Variants in LMNB1 observed in about 807,000 individuals in gnomAD.
The protein encoded by LMNB1 is lamin-B1.
LMNB1 carries 23 observed loss-of-function variants against 67.1 expected under a neutral mutation model. That is an observed-to-expected ratio of 0.34 (90% CI 0.25 to 0.49). The LOEUF is 0.49. LMNB1 is among the 20% of genes least tolerant of loss of function. LMNB1 has a pLI of 0.99. For synonymous variants in LMNB1, 281 were observed against 282.9 expected (o/e 0.99, Z 0.07); for missense variants, 634 against 746.5 (o/e 0.85, Z 1.76).
At chr5:126,800,837 A>C (rs1425133417) in intron 1 of LMNB1, among the ~76,000 whole-genome samples, 1 of 141,920 alleles carries the variant, frequency 7.0e-6, no homozygotes, top group East Asian at 2.0e-4. Context: ...TTTTTAGTAG[A>C]GACTGGGTTT....
At position 126,799,752 on chromosome 5, in the gene LMNB1, G is replaced by A. The variant is rs370977008; in HGVS notation, c.360-5024G>A. Among the ~76,000 whole-genome samples the A allele has an allele frequency of 3.3e-4, 51 of 152,308 alleles. 2 individuals are homozygous for A. The South Asian group carries it at 9.1e-3, about 27-fold the overall frequency. ...CTAGGGACCTGGACTGAGCCTTTCC[G>A]CACCGTCTCGAAACTCTCCTGTGTA... On this transcript the variant is annotated intron_variant, in intron 1 of 10. Coordinates refer to ENST00000261366, the MANE Select transcript of LMNB1 (RefSeq NM_005573.4).
At chr5:126,828,329 G>A (rs995161378) in intron 9 of LMNB1, among the ~76,000 whole-genome samples, 1 of 152,100 alleles carries the variant, frequency 6.6e-6, no homozygotes, top group Non-Finnish European at 1.5e-5. Context: ...CTCTGTGAAA[G>A]TGTGTTCCAA....
In LMNB1 at chr5:126,832,747, G is replaced by C; in HGVS notation, c.1665G>C (p.Glu555Asp). The change falls in exon 10 of 11, where the codon GAG (glutamate) becomes GAC (aspartate). Residue 555 changes from glutamate to aspartate, a missense_variant. Coordinates refer to ENST00000261366, the MANE Select transcript of LMNB1 (RefSeq NM_005573.4). Reference sequence around the variant, plus strand: ...AAACAACCATACCTGAAGAAGAGGAGGAGGAGGAAGAAGCAGCTGGAGTGG... The same window carrying C: ...AAACAACCATACCTGAAGAAGAGGACGAGGAGGAAGAAGCAGCTGGAGTGG... ...VFKTTIPEEE[E>D]EEEEAAGVVV... is the part of the protein sequence containing the mutation. The C allele has an allele frequency of 1.2e-6, 2 of 1,613,118 alleles. No homozygotes were observed. Among genetic ancestry groups the C allele is most frequent in the African/African-American group, 2.7e-5 (2 of 75,028 alleles).
intron 1 of LMNB1, among the ~76,000 whole-genome samples, chr5:126,794,336 A>G (rs933051817): frequency 1.3e-5 from 2 of 152,194 alleles, no homozygotes; most frequent in Non-Finnish European, 2.9e-5. Flanking sequence ...GGAAGTTAAC[A>G]TGAGGACAGT....
At position 126,821,007 on chromosome 5, in the gene LMNB1, G is replaced by A. The variant is rs1211061071; in HGVS notation, c.1258G>A (p.Asp420Asn). 6.2e-7 allele frequency: 1 copy of A among 1,613,972 alleles called. No individual in the cohort carries two copies. Among genetic ancestry groups the A allele is most frequent in the East Asian group, 2.2e-5 (1 of 44,902 alleles). Residue 420 changes from aspartate to asparagine, a missense_variant, in exon 7 of 11, where the codon GAT becomes AAT. Coordinates refer to ENST00000261366, the MANE Select transcript of LMNB1 (RefSeq NM_005573.4). ...RTTRGKRKRV[D>N]VEESEASSSV... ...AACTAGAGGAAAGCGGAAGAGGGTT[G>A]ATGTGGAAGAATCAGAGGCGAGTAG...
At chr5:126,784,658 A>ATTTT (rs35792214) in intron 1 of LMNB1, among the ~76,000 whole-genome samples, 1 of 113,328 alleles carries the variant, frequency 8.8e-6, no homozygotes, top group Non-Finnish European at 1.8e-5. Context: ...CCTGGCTTGA[A>ATTTT]TTTTTTTTTT....
At chr5:126,790,664 A>G (rs933894950) in intron 1 of LMNB1, among the ~76,000 whole-genome samples, 2 of 152,128 alleles carry the variant, frequency 1.3e-5, no homozygotes, top group Non-Finnish European at 2.9e-5. Context: ...ACCTCATTAA[A>G]TAAAGAATTA....
rs186660167 is a variant in LMNB1, at chr5:126,805,863, A to G, written c.642+167A>G. 3.1e-3 allele frequency among the ~76,000 whole-genome samples: 478 copies of G among 152,378 alleles called. 3 individuals carry two copies. The highest frequency in any genetic ancestry group is 0.011 in the South Asian group (51 of 4,832). ...TGGGGAGAAATTTTGCAGGTAGATT[A>G]TTCAAGCTACTGCTGCTAAAAGACC... On this transcript the variant is annotated intron_variant, in intron 3 of 10. Coordinates refer to ENST00000261366, the MANE Select transcript of LMNB1 (RefSeq NM_005573.4).
Position 126,836,483 on chromosome 5 carries a change from C to T in LMNB1, c.*219C>T, listed in dbSNP as rs1752250520. 2 of 479,926 alleles carry T rather than the reference C, an allele frequency of 4.2e-6. No individual in the cohort carries two copies. The highest frequency in any genetic ancestry group is 4.0e-5 in the South Asian group (1 of 25,016). 29.7% of individuals were successfully genotyped at this position (479,926 alleles called of 1,614,324 possible). On this transcript the variant is annotated 3_prime_UTR_variant, in exon 11 of 11. Coordinates refer to ENST00000261366, the MANE Select transcript of LMNB1 (RefSeq NM_005573.4). ...CAAGATGTGAATTATTGACACTGAA[C>T]TTAATAACTGTGTACTGTTCGGAAG...
chr5:126,779,105 GTCTT>G (rs1382751104), intron 1 of LMNB1, among the ~76,000 whole-genome samples: 1 of 152,154 alleles, frequency 6.6e-6, no homozygotes, highest in Non-Finnish European at 1.5e-5. Context: ...GCCCCTGGAT[GTCTT>G]TCTGTCTGTA....
At chr5:126,804,095 A>G (rs1751354915) in intron 1 of LMNB1, among the ~76,000 whole-genome samples, 1 of 149,652 alleles carries the variant, frequency 6.7e-6, no homozygotes, top group Non-Finnish European at 1.5e-5. Flanking sequence ...TTTTTTTGAG[A>G]CTGGGTCTTG....
chr5:126,835,741 A>C (rs1164878608), intron 10 of LMNB1, among the ~76,000 whole-genome samples: 1 of 152,216 alleles, frequency 6.6e-6, no homozygotes, highest in Non-Finnish European at 1.5e-5. Context: ...GCCAGAGTTG[A>C]CAATTACTGT....
chr5:126,828,762 C>T (rs562884435), intron 9 of LMNB1, among the ~76,000 whole-genome samples: 90 of 151,950 alleles, frequency 5.9e-4, no homozygotes, highest in African/African-American at 2.1e-3. Context: ...GGGGTTTTAC[C>T]ATATTGGCCA....
chr5:126,784,819 C>T (rs1013435437), intron 1 of LMNB1, among the ~76,000 whole-genome samples: 1 of 151,372 alleles, frequency 6.6e-6, no homozygotes, highest in African/African-American at 2.4e-5. Context: ...TCCACCACGC[C>T]GGGCTAATTT....
chr5:126,817,707 T>C (rs1214258253), intron 5 of LMNB1, among the ~76,000 whole-genome samples: 2 of 152,250 alleles, frequency 1.3e-5, no homozygotes, highest in Non-Finnish European at 2.9e-5. Flanking sequence ...CCTGTACTGC[T>C]GTGAAAAGTA....
At chr5:126,812,569 C>T (rs1403066256) in intron 5 of LMNB1, among the ~76,000 whole-genome samples, 1 of 152,126 alleles carries the variant, frequency 6.6e-6, no homozygotes, top group Non-Finnish European at 1.5e-5. Context: ...AGTGTGGACA[C>T]AAAGTACATA....
intron 6 of LMNB1, among the ~76,000 whole-genome samples, chr5:126,819,990 C>A (rs937682173): frequency 6.6e-6 from 1 of 151,792 alleles, no homozygotes; most frequent in Admixed American, 6.6e-5. Context: ...AATGAAAATA[C>A]AAAAATTAGC....
chr5:126,777,755 G>C lies in LMNB1; in HGVS notation c.247G>C (p.Glu83Gln). ...GCTCACCGGCCTCAAGGCGCTCTACGAGACCGAGCTGGCCGACGCGCGACG... is the reference window on the plus strand; with the variant it reads ...GCTCACCGGCCTCAAGGCGCTCTACCAGACCGAGCTGGCCGACGCGCGACG... ...RELTGLKALY[E>Q]TELADARRAL... The change falls in exon 1 of 11, where the codon GAG becomes CAG. Residue 83 changes from glutamate to glutamine, a missense_variant. Transcript: ENST00000261366. 1 of 1,528,656 alleles carries C rather than the reference G, an allele frequency of 6.5e-7. No individual in the cohort carries two copies. The allele number at this position is 1,528,656 out of a possible 1,614,324, so 94.7% of individuals were successfully genotyped here.
intron 5 of LMNB1, among the ~76,000 whole-genome samples, chr5:126,817,054 G>A (rs1215590451): frequency 2.3e-5 from 3 of 129,270 alleles, no homozygotes; most frequent in South Asian, 5.5e-4. Context: ...CTTCTGTAAC[G>A]ATTTATCCAT....
Sources: gnomAD v4.1 joint callset for allele counts (sites outside exome capture counted in the v4.1 genomes callset) on GRCh38, gnomAD v4.1.1 for gene constraint, MANE v1.5 for transcripts, NCBI Gene and HGNC (gene_info 2026-07-23, HGNC 2026-07-21) for gene names.